Variants in PAK4 observed in about 807,000 individuals in gnomAD.
PAK4 encodes the protein p21 (RAC1) activated kinase 4, also known as serine/threonine-protein kinase PAK 4.
A neutral mutation model predicts 53.5 loss-of-function variants in PAK4; 49 were observed. That is an observed-to-expected ratio of 0.92 (90% CI 0.73 to 1.16). The LOEUF (loss-of-function observed/expected upper bound fraction) is 1.16, where lower values mean the gene tolerates loss of function less well. PAK4 is among the 50% of genes most tolerant of loss of function. PAK4 has a pLI of 0.00. For synonymous variants in PAK4, 376 were observed against 375.6 expected, an observed-to-expected ratio of 1.00 and a Z score of -0.01; for missense variants, 824 against 850.7, an observed-to-expected ratio of 0.97 and a Z score of 0.39.
chr19:39,163,870 A>G (rs543532939), intron 1 of PAK4, among the ~76,000 whole-genome samples: 1 of 152,282 alleles, frequency 6.6e-6, no homozygotes, highest in East Asian at 1.9e-4. Flanking sequence ...GACAGGGACG[A>G]TCATTCCACG....
intron 1 of PAK4, among the ~76,000 whole-genome samples, chr19:39,144,704 G>A (rs1443530875): frequency 2.0e-5 from 3 of 152,240 alleles, no homozygotes; most frequent in Admixed American, 2.0e-4. Flanking sequence ...AACAGGCCAG[G>A]AGTTACAAGG....
At chr19:39,153,381 C>T (rs35120658) in intron 1 of PAK4, among the ~76,000 whole-genome samples, 21,537 of 128,964 alleles carry the variant, frequency 0.17, 1,717 homozygotes, top group East Asian at 0.34. Context: ...ACCTCAGCCT[C>T]CCGAGTAGCT....
intron 1 of PAK4, among the ~76,000 whole-genome samples, chr19:39,135,703 C>G (rs1347096430): frequency 6.6e-6 from 1 of 152,014 alleles, no homozygotes. Flanking sequence ...AAACAACAGG[C>G]AGCCCTCCCC....
chr19:39,173,342 G>A lies in PAK4; in HGVS notation c.629G>A (p.Arg210Lys), dbSNP rs747070446. 3.8e-6 allele frequency: 6 copies of A among 1,559,516 alleles called. No homozygotes were observed. Among genetic ancestry groups the A allele is most frequent in the South Asian group, 1.2e-5 (1 of 85,506 alleles). ...GGCCGGCCCTTTAACACCTACCCGA[G>A]GGCTGACACGGACCACCCATCCCGG... Residue 210 changes from arginine to lysine, a missense_variant, in exon 3 of 9, where the codon AGG becomes AAG. By Grantham distance (26) the Arg-to-Lys change is conservative. Coordinates refer to ENST00000358301, the Ensembl canonical transcript of PAK4. The surrounding 1 kb of genome is among the most constrained non-coding windows in gnomAD (Gnocchi z 6.9).
At chr19:39,137,639 G>A (rs1333500202) in intron 1 of PAK4, among the ~76,000 whole-genome samples, 1 of 151,486 alleles carries the variant, frequency 6.6e-6, no homozygotes, top group Non-Finnish European at 1.5e-5. Context: ...CCAGACTCCT[G>A]TGAAGGAAGG....
At chr19:39,157,538 G>A (rs1366506064) in intron 1 of PAK4, among the ~76,000 whole-genome samples, 1 of 152,166 alleles carries the variant, frequency 6.6e-6, no homozygotes, top group Non-Finnish European at 1.5e-5. Flanking sequence ...GGCTTTAAGA[G>A]CCGCTCCCCC....
intron 1 of PAK4, among the ~76,000 whole-genome samples, chr19:39,143,583 ACT>A (rs1295408346): frequency 1.8e-5 from 2 of 110,120 alleles, no homozygotes; most frequent in East Asian, 3.0e-4. Flanking sequence ...ACAGAGCAAG[ACT>A]CTGTCTCAAA....
chr19:39,133,242 C>A (rs8101281), intron 1 of PAK4, among the ~76,000 whole-genome samples: 53,158 of 152,084 alleles, frequency 0.35, 9,328 homozygotes, highest in Middle Eastern at 0.4. Flanking sequence ...TTTTGAGGAT[C>A]TAAATGTATA....
rs372526928 is a variant in PAK4, at chr19:39,177,666, C to T, written c.1486-9C>T. 13 of 1,610,384 alleles carry T rather than the reference C, an allele frequency of 8.1e-6. No individual in the cohort carries two copies. Among genetic ancestry groups the T allele is most frequent in the Non-Finnish European group, 1.1e-5 (13 of 1,177,706 alleles). On this transcript the variant is annotated splice_polypyrimidine_tract_variant and intron_variant, in intron 7 of 8. Transcript: ENST00000358301. ...CAGCTCAGCCCTGCTGTCCCTTCTC[C>T]CGCCCCAGGTAGACATCTGGTCGCT... is the stretch of plus-strand genomic sequence containing the variant.
chr19:39,176,874 CTT>C (rs34636072), intron 7 of PAK4, among the ~76,000 whole-genome samples, 159 bp downstream of exon 8: 2 of 146,978 alleles, frequency 1.4e-5, no homozygotes, highest in South Asian at 2.1e-4. Flanking sequence ...ATTCATTCTT[CTT>C]TTTTTTTTTT....
exon 2 of PAK4, chr19:39,169,739 C>A (rs754036058): frequency 6.2e-7 from 1 of 1,605,202 alleles, no homozygotes; most frequent in East Asian, 2.2e-5. Context: ...TCACCTCCAT[C>A]CAGCCCGGGG....
At chr19:39,143,914 G>A (rs1443988901) in intron 1 of PAK4, among the ~76,000 whole-genome samples, 1 of 145,478 alleles carries the variant, frequency 6.9e-6, no homozygotes, top group African/African-American at 2.8e-5. Flanking sequence ...GGAGGCTGCA[G>A]TGAGCTATGA....
At chr19:39,154,174 T>C (rs2074138577) in intron 1 of PAK4, among the ~76,000 whole-genome samples, 1 of 152,168 alleles carries the variant, frequency 6.6e-6, no homozygotes, top group Non-Finnish European at 1.5e-5. Flanking sequence ...TTCTCGCGTG[T>C]GCTCCCTGCC....
chr19:39,135,723 C>T (rs1457836392), intron 1 of PAK4, among the ~76,000 whole-genome samples: 6 of 151,998 alleles, frequency 3.9e-5, no homozygotes. Context: ...CGAGCTCAGT[C>T]CAGTGGGAAC....
chr19:39,171,885 C>T (rs902221617), intron 2 of PAK4, among the ~76,000 whole-genome samples: 25 of 152,342 alleles, frequency 1.6e-4, no homozygotes, highest in Admixed American at 4.6e-4. Flanking sequence ...CCCTGCTGTG[C>T]GCCAGATGCT....
chr19:39,172,730 C>A (rs940611482), intron 2 of PAK4, among the ~76,000 whole-genome samples, 188 bp from the exon 4 acceptor site: 1 of 152,138 alleles, frequency 6.6e-6, no homozygotes, highest in African/African-American at 2.4e-5. Context: ...CCTCTGGCCC[C>A]TGCAGCTGTG....
chr19:39,167,747 T>C (rs2074402672), intron 1 of PAK4, among the ~76,000 whole-genome samples: 2 of 152,002 alleles, frequency 1.3e-5, no homozygotes, highest in South Asian at 4.1e-4. Flanking sequence ...TGGATGGTCC[T>C]AGCTCTGGGC....
At chr19:39,132,514 G>C (rs1055247019) in intron 1 of PAK4, among the ~76,000 whole-genome samples, 3 of 152,266 alleles carry the variant, frequency 2.0e-5, no homozygotes, top group South Asian at 2.1e-4. Context: ...TCAGGACACA[G>C]AGTGCCGCCT....
chr19:39,126,078 G>A (rs942009078), intron 1 of PAK4, among the ~76,000 whole-genome samples, 159 bp downstream of exon 1: 1 of 152,134 alleles, frequency 6.6e-6, no homozygotes, highest in East Asian at 1.9e-4. Context: ...ACTGGAGGGA[G>A]TTGTAGTGGA....
Sources: allele counts gnomAD v4.1 joint callset (sites outside exome capture counted in the v4.1 genomes callset), GRCh38; gene constraint gnomAD v4.1.1; non-coding constraint Gnocchi (gnomAD v3.1); transcripts MANE v1.5; gene names NCBI Gene and HGNC (gene_info 2026-07-23, HGNC 2026-07-21).